The following C4orf51 variants were observed in gnomAD, a reference collection of about 807,000 sequenced individuals.
C4orf51 encodes uncharacterized protein C4orf51.
A neutral mutation model predicts 25.2 loss-of-function variants in C4orf51; 25 were observed. The ratio of observed to expected loss-of-function variants is 0.99; its 90% CI spans 0.72 to 1.39. The LOEUF (loss-of-function observed/expected upper bound fraction) is 1.39. Ranked by LOEUF, C4orf51 falls within the 40% of genes most tolerant of loss-of-function variation. The pLI is 0.00. For missense variants in C4orf51, 252 were observed against 239.6 expected, an observed-to-expected ratio of 1.05 and a Z score of -0.34; for synonymous variants, 100 against 84.5, an observed-to-expected ratio of 1.18 and a Z score of -1.01.
chr4:145,750,644 G>A (rs967706165), intron 1 of C4orf51, among the ~76,000 whole-genome samples: 3 of 152,006 alleles, frequency 2.0e-5, no homozygotes, highest in Non-Finnish European at 4.4e-5. Context: ...TTCACTTGGT[G>A]TTCTATAACC....
At chr4:145,694,140 A>G (rs1729851523) in intron 1 of C4orf51, among the ~76,000 whole-genome samples, 2 of 76,858 alleles carry the variant, frequency 2.6e-5, no homozygotes, top group East Asian at 3.5e-4. Context: ...CACATCTCAG[A>G]CGATCTCCTC....
intron 1 of C4orf51, among the ~76,000 whole-genome samples, chr4:145,767,583 G>C (rs1735497179): frequency 6.6e-6 from 1 of 152,136 alleles, no homozygotes; most frequent in Non-Finnish European, 1.5e-5. Flanking sequence ...CTCAAAATCA[G>C]TGCTAAAGAA....
intron 5 of C4orf51, 80 bp downstream of exon 5, chr4:145,730,045 C>T: frequency 8.5e-7 from 1 of 1,178,554 alleles, no homozygotes; most frequent in South Asian, 1.2e-5. Flanking sequence ...CTCTACATGG[C>T]AGCAGGGGTG....
At chr4:145,773,601 T>C (rs144242891), downstream of C4orf51, among the ~76,000 whole-genome samples, 856 of 152,302 alleles carry the variant, frequency 5.6e-3, 7 homozygotes, top group African/African-American at 0.02. Flanking sequence ...TCCTTGCTGG[T>C]ATCATTTGTA....
At chr4:145,738,461 T>C (rs201673999) in intron 1 of C4orf51, among the ~76,000 whole-genome samples, 5 of 16,800 alleles carry the variant, frequency 3.0e-4, no homozygotes, top group African/African-American at 7.1e-4. Flanking sequence ...AAAAAAAACA[T>C]ATATATATAT....
chr4:145,724,624 G>A (rs1480861040), intron 2 of C4orf51, among the ~76,000 whole-genome samples: 1 of 152,176 alleles, frequency 6.6e-6, no homozygotes, highest in Non-Finnish European at 1.5e-5. Flanking sequence ...GCTCATGCCT[G>A]TAATCCCAGC....
intron 1 of C4orf51, chr4:145,760,808 C>G (rs1734374448): frequency 8.4e-7 from 1 of 1,185,876 alleles, no homozygotes; most frequent in Non-Finnish European, 1.1e-6. Context: ...TCTCTCAGTC[C>G]GAGATAGGCC....
At chr4:145,774,927 T>G (rs956162136), downstream of C4orf51, among the ~76,000 whole-genome samples, 10 of 152,346 alleles carry the variant, frequency 6.6e-5, no homozygotes, top group Admixed American at 2.6e-4. Flanking sequence ...TAAATAATCA[T>G]AAAGTTAATT....
rs1735180433 is a variant in C4orf51 at position 145,765,702 on chromosome 4, G to C, written n.167-5286G>C. 6.2e-7 allele frequency: 1 copy of C among 1,613,998 alleles called. No individual in the cohort carries two copies. Among genetic ancestry groups the C allele is most frequent in the Non-Finnish European group, 8.5e-7 (1 of 1,179,962 alleles). The stretch of plus-strand genomic sequence containing the variant: ...CAGAGCTGAGAGGGAGGATGAAGAG[G>C]GGCTATTTGATTCGCTGGGGGTCTT... On this transcript the variant is annotated intron_variant and non_coding_transcript_variant, in intron 1 of 1. Coordinates refer to the C4orf51 transcript ENST00000510096. The surrounding 1 kb of genome is among the most constrained non-coding windows in gnomAD (Gnocchi z 4.7).
intron 5 of C4orf51, among the ~76,000 whole-genome samples, chr4:145,730,354 T>C (rs145554072): frequency 0.015 from 2,286 of 152,008 alleles, 32 homozygotes; most frequent in Non-Finnish European, 0.023. Context: ...GTGGCTGGAG[T>C]TTCCCTCCTC....
At chr4:145,737,792 G>C (rs150050601), downstream of C4orf51, among the ~76,000 whole-genome samples, 680 of 152,220 alleles carry the variant, frequency 4.5e-3, 16 homozygotes, top group Admixed American at 0.034. Flanking sequence ...GTATCCTCTT[G>C]TACCTTTTAG....
At chr4:145,728,174 G>C (rs1166828272) in intron 3 of C4orf51, among the ~76,000 whole-genome samples, 1 of 149,626 alleles carries the variant, frequency 6.7e-6, no homozygotes, top group Non-Finnish European at 1.5e-5. Flanking sequence ...ATCTCTTCAG[G>C]GTACGTTCCC....
downstream of C4orf51, chr4:145,759,111 T>C (rs992977791): frequency 6.6e-6 from 1 of 152,184 alleles, no homozygotes; most frequent in Non-Finnish European, 1.5e-5. Context: ...AAGAAAATGT[T>C]CCTCCTGTAC....
At chr4:145,720,587 T>G (rs1731682160) in intron 2 of C4orf51, among the ~76,000 whole-genome samples, 1 of 152,204 alleles carries the variant, frequency 6.6e-6, no homozygotes, top group African/African-American at 2.4e-5. Flanking sequence ...TTGCTCTTCC[T>G]CCACTCATCT....
chr4:145,691,129 A>G (rs1578925864), intron 1 of C4orf51, among the ~76,000 whole-genome samples: 1 of 152,162 alleles, frequency 6.6e-6, no homozygotes, highest in Non-Finnish European at 1.5e-5. Flanking sequence ...AAAATTGCAC[A>G]AAGGACATGA....
At chr4:145,766,265 A>AGTCAG (rs1307287719) in intron 1 of C4orf51, among the ~76,000 whole-genome samples, 1 of 152,200 alleles carries the variant, frequency 6.6e-6, no homozygotes, top group Non-Finnish European at 1.5e-5. Flanking sequence ...GATACAAACA[A>AGTCAG]GTCAGCAGAC....
chr4:145,776,976 A>G, the C4orf51 span, among the ~76,000 whole-genome samples: 3 of 152,372 alleles, frequency 2.0e-5, no homozygotes, highest in Admixed American at 2.0e-4. Context: ...CATCACACAG[A>G]TAAAGGTAAT....
At chr4:145,692,782 G>A (rs1729670722) in intron 1 of C4orf51, among the ~76,000 whole-genome samples, 1 of 152,010 alleles carries the variant, frequency 6.6e-6, no homozygotes, top group Admixed American at 6.6e-5. Context: ...TTGAACTCTA[G>A]AAATTGATGA....
chr4:145,774,390 C>T, downstream of C4orf51: 1 of 1,189,510 alleles, frequency 8.4e-7, no homozygotes, highest in Non-Finnish European at 1.2e-6. Context: ...TCCTTCCTTC[C>T]ATGGAAGGAA....
Sources: gnomAD v4.1 joint callset for allele counts (sites outside exome capture counted in the v4.1 genomes callset) on GRCh38, gnomAD v4.1.1 for gene constraint, Gnocchi (gnomAD v3.1) non-coding constraint, MANE v1.5 for transcripts, NCBI Gene and HGNC (gene_info 2026-07-23, HGNC 2026-07-21) for gene names.